The following SPIDR variants were observed in gnomAD, a reference collection of about 807,000 sequenced individuals.
The protein encoded by SPIDR is DNA repair-scaffolding protein.
A neutral mutation model predicts 104.6 loss-of-function variants in SPIDR; 93 were observed. The observed-to-expected ratio is 0.89, with a 90% CI of 0.75 to 1.06. SPIDR has a LOEUF of 1.06. Among genes scored for constraint, SPIDR ranks in the 50% least tolerant of loss-of-function variants. The pLI, the probability that SPIDR is intolerant of heterozygous loss-of-function variation, is 0.00. For synonymous variants in SPIDR, 431 were observed against 416.9 expected, an observed-to-expected ratio of 1.03 and a Z score of -0.41; for missense variants, 1,154 against 1,111.2, an observed-to-expected ratio of 1.04 and a Z score of -0.55.
At chr8:47,266,431 T>C (rs1554546798) in intron 1 of SPIDR, among the ~76,000 whole-genome samples, 1 of 152,212 alleles carries the variant, frequency 6.6e-6, no homozygotes. Context: ...CCACTGTGCC[T>C]GGCCAATAGT....
intron 10 of SPIDR, among the ~76,000 whole-genome samples, chr8:47,654,718 G>A (rs1360216240): frequency 6.6e-6 from 1 of 152,278 alleles, no homozygotes; most frequent in South Asian, 2.1e-4. Flanking sequence ...CGACTGGCAT[G>A]ATATATATGT....
At chr8:47,502,029 T>A (rs2080555286) in intron 8 of SPIDR, among the ~76,000 whole-genome samples, 1 of 152,224 alleles carries the variant, frequency 6.6e-6, no homozygotes, top group Non-Finnish European at 1.5e-5. Flanking sequence ...TTTGATGTGA[T>A]GCTGGATTCG....
At chr8:47,473,371 G>A (rs565954625) in intron 8 of SPIDR, among the ~76,000 whole-genome samples, 11 of 152,230 alleles carry the variant, frequency 7.2e-5, no homozygotes, top group African/African-American at 2.6e-4. Flanking sequence ...GATAGAGATG[G>A]CCTTTGACTT....
intron 8 of SPIDR, among the ~76,000 whole-genome samples, chr8:47,556,726 A>G (rs916480885): frequency 3.9e-5 from 6 of 151,972 alleles, no homozygotes; most frequent in African/African-American, 1.5e-4. Context: ...CAGCCTCCTG[A>G]GTAGCTGGGA....
At chr8:47,463,360 C>CAA (rs1256249571) in intron 8 of SPIDR, among the ~76,000 whole-genome samples, 1 of 125,720 alleles carries the variant, frequency 8.0e-6, no homozygotes, top group East Asian at 2.3e-4. Flanking sequence ...GACTCCGTCT[C>CAA]AAAAAAAAAA....
chr8:47,265,991 C>G (rs1454178529), intron 1 of SPIDR, among the ~76,000 whole-genome samples: 1 of 152,048 alleles, frequency 6.6e-6, no homozygotes, highest in Non-Finnish European at 1.5e-5. Flanking sequence ...ATCAGGTGAT[C>G]TGCCCGCATC....
chr8:47,547,008 A>G (rs542330559), intron 8 of SPIDR: 12 of 507,480 alleles, frequency 2.4e-5, no homozygotes, highest in Middle Eastern at 3.2e-4. Context: ...TCTGTGGGTA[A>G]TGACACCAGT....
chr8:47,468,653 A>G (rs2075258256), intron 8 of SPIDR, among the ~76,000 whole-genome samples: 1 of 152,244 alleles, frequency 6.6e-6, no homozygotes, highest in African/African-American at 2.4e-5. Flanking sequence ...AGCCACATGC[A>G]GAAGATTGAG....
At chr8:47,261,822 A>C (rs140364107) in intron 1 of SPIDR, among the ~76,000 whole-genome samples, 1 of 152,340 alleles carries the variant, frequency 6.6e-6, no homozygotes, top group African/African-American at 2.4e-5. Context: ...GACTGGCTTT[A>C]GGGAATAAAG....
intron 10 of SPIDR, among the ~76,000 whole-genome samples, chr8:47,659,091 C>T (rs547048613): frequency 6.6e-6 from 1 of 152,080 alleles, no homozygotes; most frequent in Non-Finnish European, 1.5e-5. Context: ...AGCCCCGTCT[C>T]TACCAAAAAT....
intron 10 of SPIDR, among the ~76,000 whole-genome samples, chr8:47,607,638 A>C (rs1218081414): frequency 6.6e-6 from 1 of 151,960 alleles, no homozygotes; most frequent in Non-Finnish European, 1.5e-5. Flanking sequence ...TATTTTCAAA[A>C]GAAATCTAGT....
At chr8:47,283,965 T>C (rs2038316928) in intron 2 of SPIDR, 63 bp from the exon 3 acceptor site, 1 of 1,294,300 alleles carries the variant, frequency 7.7e-7, no homozygotes, top group Non-Finnish European at 1.1e-6. Context: ...ATTTTGAATA[T>C]TTTATAAAAG....
At chr8:47,505,056 C>T (rs1026013613) in intron 8 of SPIDR, among the ~76,000 whole-genome samples, 1 of 152,188 alleles carries the variant, frequency 6.6e-6, no homozygotes, top group Non-Finnish European at 1.5e-5. Context: ...AAGGGTGCCT[C>T]CCAGTTAGGC....
chr8:47,718,209 C>T (rs924125222), intron 16 of SPIDR, among the ~76,000 whole-genome samples: 1 of 152,168 alleles, frequency 6.6e-6, no homozygotes, highest in African/African-American at 2.4e-5. Flanking sequence ...CCTCCATGTG[C>T]AGTAGAGAGG....
At chr8:47,631,575 G>A (rs1026975759) in intron 10 of SPIDR, among the ~76,000 whole-genome samples, 12 of 152,166 alleles carry the variant, frequency 7.9e-5, no homozygotes, top group African/African-American at 2.9e-4. Context: ...GGTGAAAGAG[G>A]AAATGTGTGT....
At chr8:47,696,365 C>T (rs976897895) in intron 11 of SPIDR, among the ~76,000 whole-genome samples, 2 of 152,090 alleles carry the variant, frequency 1.3e-5, no homozygotes, top group Admixed American at 6.6e-5. Context: ...AACTTTGCTC[C>T]GTATAAATAT....
At chr8:47,547,005 G>A (rs750260267) in intron 8 of SPIDR, 37 of 508,774 alleles carry the variant, frequency 7.3e-5, no homozygotes, top group Non-Finnish European at 1.3e-4. Flanking sequence ...CTCTCTGTGG[G>A]TAATGACACC....
At chr8:47,297,541 C>A (rs1413928245) in intron 5 of SPIDR, among the ~76,000 whole-genome samples, 1 of 151,844 alleles carries the variant, frequency 6.6e-6, no homozygotes, top group Non-Finnish European at 1.5e-5. Context: ...TGTGCCATGT[C>A]GGTGTGCTGC....
At chr8:47,422,138 T>C (rs2065604556) in intron 7 of SPIDR, among the ~76,000 whole-genome samples, 1 of 152,214 alleles carries the variant, frequency 6.6e-6, no homozygotes, top group Admixed American at 6.5e-5. Flanking sequence ...TTCAAAGCTG[T>C]CAGACAGGGA....
Sources: allele counts gnomAD v4.1 joint callset (sites outside exome capture counted in the v4.1 genomes callset), GRCh38; gene constraint gnomAD v4.1.1; transcripts MANE v1.5; gene names NCBI Gene and HGNC (gene_info 2026-07-23, HGNC 2026-07-21).